BDH1: variants seen among roughly 807,000 people sequenced by gnomAD.
BDH1 encodes the protein 3-hydroxybutyrate dehydrogenase 1.
A neutral mutation model predicts 33.1 loss-of-function variants in BDH1; 30 were observed. That is an observed-to-expected ratio of 0.91 (90% CI 0.68 to 1.23). The LOEUF (loss-of-function observed/expected upper bound fraction) is 1.23. Among genes scored for constraint, BDH1 ranks in the 50% most tolerant of loss-of-function variants. The probability of loss-of-function intolerance (pLI) is 0.00; values close to 1 mark genes in which losing one functional copy is unlikely to be tolerated. For synonymous variants in BDH1, 190 were observed against 183.6 expected, an observed-to-expected ratio of 1.03 and a Z score of -0.28; for missense variants, 443 against 464.4, an observed-to-expected ratio of 0.95 and a Z score of 0.42.
intron 6 of BDH1, among the ~76,000 whole-genome samples, chr3:197,519,691 T>A (rs927481090): frequency 6.6e-6 from 1 of 151,950 alleles, no homozygotes; most frequent in Non-Finnish European, 1.5e-5. Flanking sequence ...AATTAATTAA[T>A]GTTGACTGAC....
At chr3:197,559,662 G>A (rs1717197994), upstream of BDH1, among the ~76,000 whole-genome samples, 1 of 152,206 alleles carries the variant, frequency 6.6e-6, no homozygotes, top group Non-Finnish European at 1.5e-5. Flanking sequence ...GAATTTATTT[G>A]TTTGGTTTGT....
intron 2 of BDH1, among the ~76,000 whole-genome samples, chr3:197,547,916 A>G (rs1444215571): frequency 3.9e-5 from 6 of 152,242 alleles, no homozygotes; most frequent in Non-Finnish European, 8.8e-5. Flanking sequence ...TTCAACACAC[A>G]GGTTGCTCTC....
intron 3 of BDH1, among the ~76,000 whole-genome samples, chr3:197,536,705 G>A (rs886507348): frequency 6.6e-6 from 1 of 152,056 alleles, no homozygotes; most frequent in African/African-American, 2.4e-5. Context: ...AGCCGGGCAT[G>A]GTGAGGGGGT....
chr3:197,543,467 T>A (rs1448470618), intron 3 of BDH1, among the ~76,000 whole-genome samples: 3 of 152,206 alleles, frequency 2.0e-5, no homozygotes. Flanking sequence ...GGGTCCCAGA[T>A]GTGAGCAAGG....
upstream of BDH1, among the ~76,000 whole-genome samples, chr3:197,559,071 C>G (rs1473567349): frequency 6.7e-6 from 1 of 150,050 alleles, no homozygotes; most frequent in Non-Finnish European, 1.5e-5. Flanking sequence ...GGTGCGATCT[C>G]GGCTCACTGC....
At chr3:197,513,561 C>T (rs971592267) in intron 7 of BDH1, among the ~76,000 whole-genome samples, 4 of 152,118 alleles carry the variant, frequency 2.6e-5, no homozygotes, top group Non-Finnish European at 5.9e-5. Flanking sequence ...CGGGAGGGAA[C>T]TCAGCCCATC....
chr3:197,559,001 CTTTT>C (rs796295489), upstream of BDH1, among the ~76,000 whole-genome samples: 6 of 137,220 alleles, frequency 4.4e-5, no homozygotes, highest in Non-Finnish European at 8.0e-5. Flanking sequence ...GGCAATTGAA[CTTTT>C]TTTTTTTTTT....
chr3:197,572,572 A>T (rs1717643456), intron 1 of BDH1, among the ~76,000 whole-genome samples: 1 of 152,106 alleles, frequency 6.6e-6, no homozygotes. Context: ...AAGCAGCCCG[A>T]CCCTCAGTTT....
Position 197,536,173 on chromosome 3 carries a change from C to T in BDH1, c.84-2612G>A, listed in dbSNP as rs555097351. Among the ~76,000 whole-genome samples the T allele has an allele frequency of 5.9e-5, 9 of 152,242 alleles. No homozygotes were observed. The East Asian group carries it at 7.7e-4, about 13-fold the overall frequency. On this transcript the variant is annotated intron_variant, in intron 3 of 7. Transcript: ENST00000392379. ...TTGCTCCAGCGCCATTTTTTGAAAA[C>T]GTTATCTTTCCTCTATTGAATTGCT...
Position 197,551,593 on chromosome 3 carries a change from G to C in BDH1, c.-44+2969C>G, listed in dbSNP as rs533029136. Among the ~76,000 whole-genome samples the C allele has an allele frequency of 6.6e-5, 10 of 152,262 alleles. No homozygotes were observed. The South Asian group carries it at 2.1e-3, about 32-fold the overall frequency. ...CTTCCTTTTGGGTATATACCCAGCAGTGGCACTGCTGGATCCTATGGTAGC... is the reference window on the plus strand; with the variant it reads ...CTTCCTTTTGGGTATATACCCAGCACTGGCACTGCTGGATCCTATGGTAGC... On this transcript the variant is annotated intron_variant, in intron 2 of 7. Coordinates refer to ENST00000392379, the MANE Select transcript of BDH1 (RefSeq NM_203314.3).
At chr3:197,517,226 T>A (rs551014534) in intron 6 of BDH1, among the ~76,000 whole-genome samples, 7 of 146,050 alleles carry the variant, frequency 4.8e-5, no homozygotes, top group African/African-American at 1.8e-4. Flanking sequence ...TGCTCTATGG[T>A]CTCCATCCCC....
chr3:197,558,020 ATTC>A (rs1322613915), upstream of BDH1, among the ~76,000 whole-genome samples: 1 of 152,266 alleles, frequency 6.6e-6, no homozygotes, highest in Non-Finnish European at 1.5e-5. Flanking sequence ...TAAAGGAAGA[ATTC>A]TTCTTTACCC....
At chr3:197,556,009 G>C (rs1339907112), upstream of BDH1, 1 of 152,278 alleles carries the variant, frequency 6.6e-6, no homozygotes, top group African/African-American at 2.4e-5. Flanking sequence ...CGGGGCTCAC[G>C]GCGGCGTGGC....
chr3:197,551,935 C>T (rs911314630), intron 2 of BDH1, among the ~76,000 whole-genome samples: 2 of 152,142 alleles, frequency 1.3e-5, no homozygotes, highest in East Asian at 1.9e-4. Flanking sequence ...CACTAAACAA[C>T]GGAGTCTCAG....
chr3:197,559,357 T>C (rs535027512), upstream of BDH1, among the ~76,000 whole-genome samples: 26 of 152,340 alleles, frequency 1.7e-4, no homozygotes, highest in African/African-American at 6.0e-4. Flanking sequence ...CATTATGTGA[T>C]TAATGTACCT....
At chr3:197,517,416 T>G (rs555003640) in intron 6 of BDH1, among the ~76,000 whole-genome samples, 2 of 50,798 alleles carry the variant, frequency 3.9e-5, no homozygotes, top group South Asian at 1.9e-3. Context: ...CCCCACCCCA[T>G]CAGTCATTTC....
intron 3 of BDH1, chr3:197,538,281 G>C (rs749574400): frequency 2.2e-5 from 10 of 456,646 alleles, no homozygotes; most frequent in South Asian, 1.5e-4. Context: ...GGTAACAGGG[G>C]AAAAGAGATG....
chr3:197,532,114 G>A (rs536103449), intron 5 of BDH1, among the ~76,000 whole-genome samples: 24 of 152,248 alleles, frequency 1.6e-4, no homozygotes, highest in South Asian at 2.1e-4. Flanking sequence ...CTCACCACTC[G>A]ACAGGGAGCA....
chr3:197,514,283 G>A lies in BDH1; in HGVS notation c.543C>T (p.Pro181=). The A allele has an allele frequency of 6.2e-7, 1 of 1,613,444 alleles. No individual in the cohort carries two copies. Among genetic ancestry groups the A allele is most frequent in the South Asian group, 1.1e-5 (1 of 90,990 alleles). The change falls in exon 7 of 8, where the codon CCC becomes CCT. Residue 181 remains proline, a synonymous_variant. Coordinates refer to ENST00000392379, the MANE Select transcript of BDH1 (RefSeq NM_203314.3). This position sits in a 1 kb window ranked among gnomAD's most constrained non-coding sequence, Gnocchi z 4.2. ...GTVRMTKSFL[P]LIRRAKGRVV... ...ACTCACCTTTGGCCCTTCGGATGAG[G>A]GGGAGAAAGGATTTCGTCATCCGCA...
Sources: gnomAD v4.1 joint callset for allele counts (sites outside exome capture counted in the v4.1 genomes callset) on GRCh38, gnomAD v4.1.1 for gene constraint, Gnocchi (gnomAD v3.1) non-coding constraint, MANE v1.5 for transcripts, NCBI Gene and HGNC (gene_info 2026-07-23, HGNC 2026-07-21) for gene names.